The following CHN2 variants were observed in gnomAD, a reference collection of about 807,000 sequenced individuals.
The protein encoded by CHN2 is chimerin 2.
A neutral mutation model predicts 56.3 loss-of-function variants in CHN2; 35 were observed. That is an observed-to-expected ratio of 0.62 (90% CI 0.47 to 0.82). CHN2 has a LOEUF of 0.82. CHN2 is among the 40% of genes least tolerant of loss of function. The pLI is 0.00. For synonymous variants in CHN2, 210 were observed against 212.8 expected, an observed-to-expected ratio of 0.99 and a Z score of 0.12; for missense variants, 491 against 580.5, an observed-to-expected ratio of 0.85 and a Z score of 1.58.
At chr7:29,428,571 A>G (rs948310030) in intron 6 of CHN2, among the ~76,000 whole-genome samples, 3 of 152,028 alleles carry the variant, frequency 2.0e-5, no homozygotes, top group Non-Finnish European at 4.4e-5. Flanking sequence ...ATTTTTTTTC[A>G]TATTCTTCAA....
At chr7:29,427,482 G>A (rs1804980821) in intron 6 of CHN2, among the ~76,000 whole-genome samples, 1 of 151,916 alleles carries the variant, frequency 6.6e-6, no homozygotes, top group South Asian at 2.1e-4. Context: ...AAGGTCATAG[G>A]GGGCATCTGA....
chr7:29,299,685 A>G (rs1261683082), intron 1 of CHN2, among the ~76,000 whole-genome samples: 1 of 152,200 alleles, frequency 6.6e-6, no homozygotes, highest in African/African-American at 2.4e-5. Context: ...GAGTAATGCA[A>G]TTATGAAATG....
chr7:29,496,335 A>G (rs1431187551), intron 8 of CHN2, among the ~76,000 whole-genome samples: 3 of 152,238 alleles, frequency 2.0e-5, no homozygotes, highest in South Asian at 4.1e-4. Flanking sequence ...ATCAATTCCA[A>G]TGGAACTGCA....
chr7:29,160,254 G>A (rs1306809839), intron 2 of CHN2, among the ~76,000 whole-genome samples: 1 of 152,122 alleles, frequency 6.6e-6, no homozygotes, highest in East Asian at 1.9e-4. Flanking sequence ...AGATGTTCAC[G>A]GTGACAGACA....
At chr7:29,404,496 C>A (rs1318247658) in intron 6 of CHN2, among the ~76,000 whole-genome samples, 1 of 152,016 alleles carries the variant, frequency 6.6e-6, no homozygotes, top group East Asian at 1.9e-4. Context: ...TAGAAAATGA[C>A]CTTAATGTCC....
chr7:29,165,589 A>T (rs986030783), intron 2 of CHN2, among the ~76,000 whole-genome samples: 2 of 152,174 alleles, frequency 1.3e-5, no homozygotes, highest in African/African-American at 4.8e-5. Flanking sequence ...CTTTGTTACA[A>T]TGACAAGTAG....
chr7:29,358,510 C>G (rs145024456), intron 2 of CHN2, among the ~76,000 whole-genome samples: 1 of 152,034 alleles, frequency 6.6e-6, no homozygotes, highest in East Asian at 1.9e-4. Context: ...TCACCCAGGC[C>G]GGACTGCGGT....
intron 1 of CHN2, chr7:29,199,693 G>A (rs1784005743): frequency 6.6e-6 from 1 of 152,146 alleles, no homozygotes; most frequent in Non-Finnish European, 1.5e-5. Context: ...GTCCATTGTA[G>A]CAACTCAGAT....
chr7:29,295,120 A>G (rs924105394), intron 1 of CHN2, among the ~76,000 whole-genome samples: 1 of 152,358 alleles, frequency 6.6e-6, no homozygotes, highest in East Asian at 1.9e-4. Context: ...AATATCAAAT[A>G]CAATGTAAAT....
intron 7 of CHN2, among the ~76,000 whole-genome samples, chr7:29,486,839 C>T (rs142607561): frequency 0.012 from 1,828 of 152,322 alleles, 17 homozygotes; most frequent in Middle Eastern, 0.031. Flanking sequence ...AACACCTGTC[C>T]AGGACGTGGC....
At chr7:29,422,048 T>TGC (rs10630230) in intron 6 of CHN2, among the ~76,000 whole-genome samples, 1 of 1,922 alleles carries the variant, frequency 5.2e-4, no homozygotes. Context: ...AATAGAAAAA[T>TGC]GTAACATTCT....
At chr7:29,343,678 G>A (rs553159005) in intron 1 of CHN2, among the ~76,000 whole-genome samples, 2 of 151,858 alleles carry the variant, frequency 1.3e-5, no homozygotes, top group African/African-American at 2.4e-5. Context: ...CTCTCCTATC[G>A]CTCTGGTCTC....
intron 1 of CHN2, among the ~76,000 whole-genome samples, chr7:29,254,843 G>C (rs1474787529): frequency 1.3e-5 from 2 of 152,124 alleles, no homozygotes; most frequent in Non-Finnish European, 2.9e-5. Context: ...GGGAGTCTGG[G>C]AAATGTAGTT....
At chr7:29,489,010 T>C (rs1788359353) in intron 7 of CHN2, among the ~76,000 whole-genome samples, 1 of 152,242 alleles carries the variant, frequency 6.6e-6, no homozygotes, top group South Asian at 2.1e-4. Context: ...GGTGTCTACA[T>C]TGACCCATCA....
chr7:29,305,469 A>G (rs932692956), intron 1 of CHN2, among the ~76,000 whole-genome samples: 4 of 150,660 alleles, frequency 2.7e-5, no homozygotes, highest in African/African-American at 9.7e-5. Context: ...TTTTTTTTTT[A>G]GTTTTGATAC....
rs914608114 is a variant in CHN2 at position 29,284,314 on chromosome 7, C to G, written c.50-70311C>G. ...TTCACCACGTTGGCCAGGCTGGTCTCAAACTCCTAACCTCAGGTGATCTGC... is the reference window on the plus strand; with the variant it reads ...TTCACCACGTTGGCCAGGCTGGTCTGAAACTCCTAACCTCAGGTGATCTGC... On this transcript the variant is annotated intron_variant, in intron 1 of 12. Transcript: ENST00000222792. Among the ~76,000 whole-genome samples, 14 of 152,184 alleles carry G rather than the reference C, an allele frequency of 9.2e-5. No homozygotes were observed. The South Asian group carries it at 1.9e-3, about 20-fold the overall frequency.
At chr7:29,199,040 T>C (rs1035340844) in intron 1 of CHN2, among the ~76,000 whole-genome samples, 2 of 152,224 alleles carry the variant, frequency 1.3e-5, no homozygotes, top group Admixed American at 6.5e-5. Context: ...AAAACCTTAA[T>C]TGGGAAAAGA....
intron 6 of CHN2, among the ~76,000 whole-genome samples, chr7:29,424,637 T>C (rs1804666251): frequency 1.3e-5 from 2 of 152,230 alleles, no homozygotes; most frequent in Admixed American, 1.3e-4. Context: ...GTACATTGTT[T>C]TTAAAAATAT....
intron 1 of CHN2, among the ~76,000 whole-genome samples, chr7:29,264,220 C>T (rs985757515): frequency 6.6e-6 from 1 of 151,600 alleles, no homozygotes; most frequent in Admixed American, 6.6e-5. Context: ...CCGGCCACCA[C>T]CCCGTCTGGG....
Sources: gnomAD v4.1 joint callset for allele counts (sites outside exome capture counted in the v4.1 genomes callset) on GRCh38, gnomAD v4.1.1 for gene constraint, MANE v1.5 for transcripts, NCBI Gene and HGNC (gene_info 2026-07-23, HGNC 2026-07-21) for gene names.